TC2N: variants seen among roughly 807,000 people sequenced by gnomAD.
TC2N encodes the protein tandem C2 domains nuclear protein.
A neutral mutation model predicts 61.9 loss-of-function variants in TC2N; 51 were observed. The observed-to-expected ratio is 0.82, with a 90% CI of 0.66 to 1.04. TC2N has a LOEUF of 1.04. Among genes scored for constraint, TC2N ranks in the 50% least tolerant of loss-of-function variants. TC2N has a pLI of 0.00. For synonymous variants in TC2N, 204 were observed against 192.6 expected (o/e 1.06, Z -0.49); for missense variants, 556 against 566.7 (o/e 0.98, Z 0.19).
At chr14:91,844,373 A>G (rs762058869) in intron 1 of TC2N, among the ~76,000 whole-genome samples, 1 of 152,182 alleles carries the variant, frequency 6.6e-6, no homozygotes, top group Non-Finnish European at 1.5e-5. Context: ...GCCAAACAAC[A>G]TCCTTGCCAA....
chr14:91,802,725 A>G (rs1361592237), intron 3 of TC2N, among the ~76,000 whole-genome samples: 1 of 150,440 alleles, frequency 6.6e-6, no homozygotes, highest in Non-Finnish European at 1.5e-5. Context: ...TATATAGAAC[A>G]TCTTTTAAAT....
intron 1 of TC2N, among the ~76,000 whole-genome samples, chr14:91,831,292 T>G (rs1887759357): frequency 1.3e-5 from 2 of 152,228 alleles, no homozygotes; most frequent in Non-Finnish European, 2.9e-5. Flanking sequence ...AGGAAAGGAT[T>G]TGCAGCCTGA....
chr14:91,852,380 G>A (rs765856945), intron 1 of TC2N, among the ~76,000 whole-genome samples: 2 of 152,104 alleles, frequency 1.3e-5, no homozygotes, highest in African/African-American at 2.4e-5. Flanking sequence ...GCGGTGAGCG[G>A]AGATCATGCC....
At chr14:91,854,508 T>TGGAGGAGGA (rs111798033) in intron 1 of TC2N, among the ~76,000 whole-genome samples, 22 of 95,126 alleles carry the variant, frequency 2.3e-4, no homozygotes, top group Admixed American at 6.2e-4. Flanking sequence ...GAGAAGGAGG[T>TGGAGGAGGA]GGAGGAGGAG....
chr14:91,787,455 A>T (rs75889160), intron 10 of TC2N, 58 bp downstream of exon 10: 1 of 971,816 alleles, frequency 1.0e-6, no homozygotes, highest in Non-Finnish European at 1.5e-6. Flanking sequence ...TGTAAAAAAA[A>T]TACTTTCTAT....
chr14:91,806,751 A>C (rs1044549591), intron 3 of TC2N, among the ~76,000 whole-genome samples: 3 of 152,160 alleles, frequency 2.0e-5, no homozygotes, highest in Admixed American at 6.5e-5. Context: ...GAAAAAAAAA[A>C]CACATTTTCT....
rs940022727 is a variant in TC2N, at chr14:91,781,408, T to C, written c.*1692A>G. 1.3e-5 allele frequency: 2 copies of C among 152,098 alleles called. No homozygotes were observed. The highest frequency in any genetic ancestry group is 2.9e-5 in the Non-Finnish European group (2 of 67,962). 9.4% of individuals were successfully genotyped at this position (152,098 alleles called of 1,614,324 possible). A position where few individuals can be genotyped will look rare whatever the true frequency, so the allele number is the denominator to read the frequency against. On this transcript the variant is annotated 3_prime_UTR_variant, in exon 12 of 12. Transcript: ENST00000435962. Reference sequence around the variant, plus strand: ...CATGAACTTTGGATGATAATGATGTTTCAGAGTAGGTTCATTGATTGTAAC... The same window carrying C: ...CATGAACTTTGGATGATAATGATGTCTCAGAGTAGGTTCATTGATTGTAAC...
intron 1 of TC2N, among the ~76,000 whole-genome samples, chr14:91,840,558 T>C (rs1246657404): frequency 1.3e-5 from 2 of 152,230 alleles, no homozygotes; most frequent in African/African-American, 4.8e-5. Flanking sequence ...TTCTTCATCA[T>C]CTTTATCTGC....
Position 91,834,977 on chromosome 14 carries a change from C to G in TC2N, c.-56-21152G>C, listed in dbSNP as rs1595268304. Among the ~76,000 whole-genome samples, 4 of 152,286 alleles carry G rather than the reference C, an allele frequency of 2.6e-5. No individual in the cohort carries two copies. The South Asian group carries it at 8.3e-4, about 32-fold the overall frequency. ...GATCTTGACTTCAGAAAACCTGATA[C>G]CAATATATCTATTGGTATATATCCA... On this transcript the variant is annotated intron_variant, in intron 1 of 11. Coordinates refer to ENST00000435962, the MANE Select transcript of TC2N (RefSeq NM_001128596.3).
chr14:91,800,367 C>T lies in TC2N; in HGVS notation c.475G>A (p.Asp159Asn). 1 of 1,582,994 alleles carries T rather than the reference C, an allele frequency of 6.3e-7. No individual in the cohort carries two copies. The highest frequency in any genetic ancestry group is 1.7e-5 in the Admixed American group (1 of 58,720). The change falls in exon 5 of 12, where the codon GAT (aspartate) becomes AAT (asparagine). Residue 159 changes from aspartate to asparagine, a missense_variant. By Grantham distance (23) the Asp-to-Asn change is conservative (BLOSUM62 1). Transcript: ENST00000435962. Reference sequence around the variant, plus strand: ...CCGGGAAGTTTGTTCGTCCTTAAATCACAAACTACAAAGGGATATGAGAAA... The same window carrying T: ...CCGGGAAGTTTGTTCGTCCTTAAATTACAAACTACAAAGGGATATGAGAAA... ...EVKRLYGSVC[D>N]LRTNKLPGSP...
At chr14:91,788,129 T>C (rs1229667782) in intron 9 of TC2N, among the ~76,000 whole-genome samples, 2 of 152,020 alleles carry the variant, frequency 1.3e-5, no homozygotes, top group Non-Finnish European at 2.9e-5. Context: ...TGAATTACTA[T>C]GCTGAATGGA....
chr14:91,796,923 T>A (rs1352607734), intron 8 of TC2N, among the ~76,000 whole-genome samples: 2 of 151,230 alleles, frequency 1.3e-5, no homozygotes, highest in African/African-American at 4.9e-5. Context: ...ACATTTGAAG[T>A]TTTTTCAATT....
intron 1 of TC2N, among the ~76,000 whole-genome samples, chr14:91,861,765 A>G (rs75966237): frequency 0.11 from 16,816 of 152,226 alleles, 1,126 homozygotes; most frequent in South Asian, 0.25. Flanking sequence ...TTTACTAGCC[A>G]GGCCTGATGG....
intron 4 of TC2N, among the ~76,000 whole-genome samples, chr14:91,801,687 A>G (rs942657055): frequency 5.3e-5 from 8 of 152,190 alleles, no homozygotes; most frequent in Admixed American, 6.5e-5. Flanking sequence ...AACAACAACA[A>G]CAACAAAAAG....
intron 1 of TC2N, among the ~76,000 whole-genome samples, chr14:91,816,498 C>G (rs539840729): frequency 6.6e-6 from 1 of 151,886 alleles, no homozygotes; most frequent in Non-Finnish European, 1.5e-5. Flanking sequence ...TTTTGAAGCT[C>G]TTTAGATATT....
intron 3 of TC2N, 32 bp downstream of exon 3, chr14:91,812,280 C>A: frequency 1.6e-6 from 2 of 1,257,556 alleles, no homozygotes; most frequent in South Asian, 1.8e-5. Flanking sequence ...TGCTACATAT[C>A]GATTTTTAAA....
chr14:91,805,582 T>C (rs1886472801), intron 3 of TC2N, among the ~76,000 whole-genome samples: 1 of 152,098 alleles, frequency 6.6e-6, no homozygotes, highest in South Asian at 2.1e-4. Flanking sequence ...GGAGAATCGC[T>C]TGAACCTGGG....
At chr14:91,797,665 A>G (rs1252402026) in intron 8 of TC2N, 120 bp downstream of exon 8, 6 of 668,438 alleles carry the variant, frequency 9.0e-6, no homozygotes, top group Non-Finnish European at 1.5e-5. Context: ...GCAATAATAC[A>G]TAGTTGTAGT....
chr14:91,838,573 A>G (rs1322962226), intron 1 of TC2N, among the ~76,000 whole-genome samples: 1 of 152,244 alleles, frequency 6.6e-6, no homozygotes, highest in Non-Finnish European at 1.5e-5. Flanking sequence ...GCAGGGCACA[A>G]AAGTGTCATT....
Sources: gnomAD v4.1 joint callset for allele counts (sites outside exome capture counted in the v4.1 genomes callset) on GRCh38, gnomAD v4.1.1 for gene constraint, MANE v1.5 for transcripts, NCBI Gene and HGNC (gene_info 2026-07-23, HGNC 2026-07-21) for gene names.